HRH1: variants seen among roughly 807,000 people sequenced by gnomAD.
HRH1 encodes the protein histamine receptor H1, also known as histamine H1 receptor.
A neutral mutation model predicts 10.3 loss-of-function variants in HRH1; 6 were observed. That is an observed-to-expected ratio of 0.58 (90% CI 0.32 to 1.15). HRH1 has a LOEUF of 1.15. Ranked by LOEUF, HRH1 falls within the 50% of genes most tolerant of loss-of-function variation. HRH1 has a pLI of 0.05. For synonymous variants in HRH1, 242 were observed against 236.7 expected, an observed-to-expected ratio of 1.02 and a Z score of -0.21; for missense variants, 514 against 615.3, an observed-to-expected ratio of 0.84 and a Z score of 1.74.
intron 1 of HRH1, among the ~76,000 whole-genome samples, chr3:11,230,469 A>G (rs570190561): frequency 6.6e-6 from 1 of 152,310 alleles, no homozygotes; most frequent in African/African-American, 2.4e-5. Flanking sequence ...AGTGTACGAT[A>G]TATTTCACAG....
chr3:11,212,122 C>T (rs1254223232), intron 1 of HRH1, among the ~76,000 whole-genome samples: 3 of 152,076 alleles, frequency 2.0e-5, no homozygotes, highest in African/African-American at 7.2e-5. Context: ...GAAATGGCCA[C>T]CTCCCCAGAT....
chr3:11,212,642 A>G (rs1438340406), intron 1 of HRH1, among the ~76,000 whole-genome samples: 4 of 151,482 alleles, frequency 2.6e-5, no homozygotes, highest in African/African-American at 9.7e-5. Flanking sequence ...TTGTTTCTAG[A>G]CTCTCTGGGC....
In HRH1 at chr3:11,260,001, G is replaced by GTGTGTTCAGGCCCTGCTCATC; in HGVS notation, c.965_966insGTGTTCAGGCCCTGCTCATCT (p.Val322_Ala323insCysSerGlyProAlaHisLeu). On this transcript the variant is annotated inframe_insertion, in exon 2 of 2. Coordinates refer to ENST00000431010, the MANE Select transcript of HRH1 (RefSeq NM_001098212.2). The stretch of plus-strand genomic sequence containing the variant: ...GGCAGAGGGGAGTAGCAGGGACTAT[G>GTGTGTTCAGGCCCTGCTCATC]TAGCCGTCAACCGGAGCCATGGCCA... 1 of 1,614,042 alleles carries GTGTGTTCAGGCCCTGCTCATC rather than the reference G, an allele frequency of 6.2e-7. No individual in the cohort carries two copies. The highest frequency in any genetic ancestry group is 1.3e-5 in the African/African-American group (1 of 74,926).
At chr3:11,153,956 C>T (rs1936712914), upstream of HRH1, among the ~76,000 whole-genome samples, 2 of 152,174 alleles carry the variant, frequency 1.3e-5, no homozygotes, top group Admixed American at 6.5e-5. Context: ...CTTGTTCCAC[C>T]TCTGTCTGAC....
intron 1 of HRH1, among the ~76,000 whole-genome samples, chr3:11,203,590 C>G (rs993850489): frequency 7.9e-5 from 12 of 152,164 alleles, no homozygotes; most frequent in Non-Finnish European, 1.6e-4. Context: ...CCAGTTGTTC[C>G]AGCACCATTT....
Position 11,156,875 on chromosome 3 carries a change from G to T in HRH1, c.-36+2321G>T, listed in dbSNP as rs142457233. Reference sequence around the variant, plus strand: ...GGCTTCTTGTTTTCTCATCTGTAAAGTGAGAGTAGGTCTGGTTAGATGTAA... The same window carrying T: ...GGCTTCTTGTTTTCTCATCTGTAAATTGAGAGTAGGTCTGGTTAGATGTAA... On this transcript the variant is annotated intron_variant, in intron 1 of 1. Coordinates refer to ENST00000431010, the MANE Select transcript of HRH1 (RefSeq NM_001098212.2). Among the ~76,000 whole-genome samples, 179 of 152,368 alleles carry T rather than the reference G, an allele frequency of 1.2e-3. 1 individual carries two copies. Among genetic ancestry groups the T allele is most frequent in the African/African-American group, 4.1e-3 (170 of 41,578 alleles).
At chr3:11,139,350 G>T (rs1936248539) in intron 1 of HRH1, among the ~76,000 whole-genome samples, 2 of 151,642 alleles carry the variant, frequency 1.3e-5, no homozygotes, top group African/African-American at 2.4e-5. Context: ...TGCAATCTCG[G>T]CTCACTGCGA....
At chr3:11,251,544 T>C (rs1939650509) in intron 1 of HRH1, among the ~76,000 whole-genome samples, 1 of 152,168 alleles carries the variant, frequency 6.6e-6, no homozygotes, top group African/African-American at 2.4e-5. Context: ...TTTTCCCTTT[T>C]ATTACTTGAG....
intron 1 of HRH1, among the ~76,000 whole-genome samples, chr3:11,144,668 G>T (rs2124994560): frequency 6.6e-6 from 1 of 151,826 alleles, no homozygotes; most frequent in South Asian, 2.1e-4. Context: ...GGGAGGAGCA[G>T]GTCTTCCTGG....
At chr3:11,179,202 C>T (rs543181219) in intron 1 of HRH1, among the ~76,000 whole-genome samples, 75 of 150,520 alleles carry the variant, frequency 5.0e-4, no homozygotes, top group African/African-American at 1.7e-3. Flanking sequence ...GCAGGAGAAT[C>T]GCTGGAACCC....
In HRH1 at chr3:11,260,081, G is replaced by A; in HGVS notation, c.1044G>A (p.Glu348=). ...LNTHGASEIS[E]DQMLGDSQSF... ...CACATGGGGCCAGCGAGATATCAGA[G>A]GATCAGATGTTAGGTGATAGCCAAT... is the stretch of plus-strand genomic sequence containing the variant. Residue 348 remains glutamate (E), a synonymous_variant, in exon 2 of 2, where the codon GAG becomes GAA. Coordinates refer to ENST00000431010, the MANE Select transcript of HRH1 (RefSeq NM_001098212.2). 1 of 1,614,132 alleles carries A rather than the reference G, an allele frequency of 6.2e-7. No individual in the cohort carries two copies. Among genetic ancestry groups the A allele is most frequent in the Non-Finnish European group, 8.5e-7 (1 of 1,180,028 alleles).
chr3:11,248,926 CACAAGCCTA>C (rs1293274399), intron 1 of HRH1, among the ~76,000 whole-genome samples: 13 of 152,222 alleles, frequency 8.5e-5, no homozygotes, highest in Admixed American at 7.2e-4. Flanking sequence ...CTACCTGTCG[CACAAGCCTA>C]ACAGTCGCTT....
chr3:11,137,860 G>A (rs1029648827), intron 1 of HRH1, among the ~76,000 whole-genome samples: 1 of 152,092 alleles, frequency 6.6e-6, no homozygotes, highest in Non-Finnish European at 1.5e-5. Flanking sequence ...TGTTATGGCG[G>A]GAGAGTATCT....
At chr3:11,215,571 G>A (rs1013512264) in intron 1 of HRH1, among the ~76,000 whole-genome samples, 5 of 152,214 alleles carry the variant, frequency 3.3e-5, no homozygotes, top group African/African-American at 1.2e-4. Context: ...CTCCCAAGTA[G>A]CTGGGACCAC....
chr3:11,234,870 G>A (rs970236994), intron 1 of HRH1, among the ~76,000 whole-genome samples: 1 of 151,830 alleles, frequency 6.6e-6, no homozygotes, highest in African/African-American at 2.4e-5. Flanking sequence ...TTTTTTTCAT[G>A]TGTCTCAATT....
intron 1 of HRH1, among the ~76,000 whole-genome samples, chr3:11,208,630 G>A (rs1423576516): frequency 4.6e-5 from 7 of 152,150 alleles, no homozygotes; most frequent in Non-Finnish European, 8.8e-5. Context: ...CCATACATAC[G>A]ATGTTACAGA....
intron 1 of HRH1, among the ~76,000 whole-genome samples, chr3:11,188,767 C>T (rs578168745): frequency 2.6e-5 from 4 of 152,090 alleles, no homozygotes; most frequent in Non-Finnish European, 5.9e-5. Flanking sequence ...CAGAAAAAAG[C>T]TCACAATGTC....
chr3:11,250,790 G>A (rs915918476), intron 1 of HRH1, among the ~76,000 whole-genome samples: 6 of 152,160 alleles, frequency 3.9e-5, no homozygotes, highest in South Asian at 2.1e-4. Flanking sequence ...TAGGCCTTTC[G>A]ACTCTCCCTG....
At chr3:11,231,187 T>G (rs1021589484) in intron 1 of HRH1, among the ~76,000 whole-genome samples, 1 of 152,244 alleles carries the variant, frequency 6.6e-6, no homozygotes, top group Non-Finnish European at 1.5e-5. Flanking sequence ...GTGCATTTCT[T>G]TTTACTACTG....
Sources: allele counts gnomAD v4.1 joint callset (sites outside exome capture counted in the v4.1 genomes callset), GRCh38; gene constraint gnomAD v4.1.1; transcripts MANE v1.5; gene names NCBI Gene and HGNC (gene_info 2026-07-23, HGNC 2026-07-21).